Variants in GJD4 observed in about 807,000 individuals in gnomAD.
GJD4 encodes gap junction protein delta 4, also known as gap junction delta-4 protein.
GJD4 carries 18 observed loss-of-function variants against 17.9 expected under a neutral mutation model. The ratio of observed to expected loss-of-function variants is 1.00; its 90% confidence interval spans 0.69 to 1.49. GJD4 has a LOEUF of 1.49. Ranked by LOEUF, GJD4 falls within the 40% of genes most tolerant of loss-of-function variation. The pLI is 0.00. For missense variants in GJD4, 639 were observed against 506.9 expected (o/e 1.26, Z -2.50); for synonymous variants, 293 against 236.8 (o/e 1.24, Z -2.18).
In GJD4 at chr10:35,605,374, G is replaced by C. The variant is rs1280246543; in HGVS notation, c.-194G>C. On this transcript the variant is annotated 5_prime_UTR_variant, in exon 1 of 2. Transcript: ENST00000321660. The stretch of plus-strand genomic sequence containing the variant: ...CAGTTGTCAGGAATGTTTCGCCTCA[G>C]AGGCAAACGGCTTAGGGCCGTCTCA... The C allele has an allele frequency of 3.2e-6, 2 of 625,308 alleles. No homozygotes were observed. The highest frequency in any genetic ancestry group is 5.7e-6 in the Non-Finnish European group (2 of 350,638). 38.7% of individuals were successfully genotyped at this position (625,308 alleles called of 1,614,324 possible).
Position 35,608,642 on chromosome 10 carries a change from G to A in GJD4, c.*16G>A. ...GTGGGTGTGAAAAAAACAGCACCTG[G>A]CGGTGCCCCGGGGCTCACGCCTGTA... On this transcript the variant is annotated 3_prime_UTR_variant, in exon 2 of 2. Coordinates refer to ENST00000321660, the MANE Select transcript of GJD4 (RefSeq NM_153368.3). 6.9e-7 allele frequency: 1 copy of A among 1,459,142 alleles called. No individual in the cohort carries two copies. The highest frequency in any genetic ancestry group is 9.1e-7 in the Non-Finnish European group (1 of 1,104,870). 90.4% of individuals were successfully genotyped at this position (1,459,142 alleles called of 1,614,324 possible).
chr10:35,605,736 C>A, intron 1 of GJD4, 105 bp downstream of exon 1: 2 of 907,264 alleles, frequency 2.2e-6, no homozygotes, highest in South Asian at 2.9e-5. Context: ...TTTCAGTGTG[C>A]AAGCACCAAG....
chr10:35,607,365 C>T (rs1835468110), intron 1 of GJD4: 6 of 577,082 alleles, frequency 1.0e-5, no homozygotes, highest in South Asian at 2.1e-5. Flanking sequence ...GCGGCAGGAG[C>T]ACTTGAGGCC....
rs548344551 is a variant in GJD4 at position 35,608,568 on chromosome 10, C to T, written c.1055C>T (p.Pro352Leu). The T allele has an allele frequency of 1.9e-6, 3 of 1,553,944 alleles. No homozygotes were observed. The highest frequency in any genetic ancestry group is 2.0e-5 in the Admixed American group (1 of 49,452). ...PSCSSLQPPD[P>L]PASSSGAPHL... ...TGCAGCAGCCTGCAGCCCCCTGACC[C>T]GCCTGCCAGCTCCAGTGGTGCTCCC... Residue 352 changes from proline to leucine, a missense_variant, in exon 2 of 2, where the codon CCG becomes CTG. Transcript: ENST00000321660.
chr10:35,607,927 C>T lies in GJD4; in HGVS notation c.414C>T (p.Asp138=). 1 of 1,606,230 alleles carries T rather than the reference C, an allele frequency of 6.2e-7. No homozygotes were observed. Among genetic ancestry groups the T allele is most frequent in the Non-Finnish European group, 8.5e-7 (1 of 1,178,708 alleles). ...AGCGCGGCGGCCTCCAGGTGCCCGA[C>T]TTTTCGGCCGGCTACATCATCCACC... is the stretch of plus-strand genomic sequence containing the variant. The part of the protein sequence containing the change: ...FGERGGLQVP[D]FSAGYIIHLL... Residue 138 remains aspartate, a synonymous_variant, in exon 2 of 2, where the codon GAC becomes GAT. Coordinates refer to ENST00000321660, the MANE Select transcript of GJD4 (RefSeq NM_153368.3).
rs750112338 is a variant in GJD4, at chr10:35,605,608, T to C, written c.41T>C (p.Leu14Ser). 13 of 1,613,736 alleles carry C rather than the reference T, an allele frequency of 8.1e-6. No homozygotes were observed. In the East Asian group the frequency reaches 2.5e-4, roughly 30 times the overall value. ...TTGCTAGGGTTTCTCATCATCACAT[T>C]AAACTGCAACGTGACCATGGTGGGT... ...VDLLGFLIIT[L>S]NCNVTMVGKL... Residue 14 changes from leucine to serine, a missense_variant, in exon 1 of 2, where the codon TTA (leucine) becomes TCA (serine). Leu to Ser is a moderately radical substitution (Grantham distance 145). Transcript: ENST00000321660.
chr10:35,607,785 T>A lies in GJD4; in HGVS notation c.272T>A (p.Val91Asp). ...GTGTGCGTCCTCCTCCCCTCCGCCG[T>A]CTTCAGCGTCTATGTCCTGCACCGA... ...QGVCVLLPSAVFSVYVLHRGA... is the reference protein window; with the variant it reads ...QGVCVLLPSADFSVYVLHRGA... The change falls in exon 2 of 2, where the codon GTC (valine) becomes GAC (aspartate). Residue 91 changes from valine to aspartate, a missense_variant. Physicochemically the swap from Val to Asp is radical, Grantham distance 152 (BLOSUM62 -3). Coordinates refer to ENST00000321660, the MANE Select transcript of GJD4 (RefSeq NM_153368.3). The A allele has an allele frequency of 1.2e-6, 2 of 1,606,632 alleles. No homozygotes were observed. Among genetic ancestry groups the A allele is most frequent in the Non-Finnish European group, 1.7e-6 (2 of 1,179,936 alleles).
rs763316477 is a variant in GJD4, at chr10:35,607,914, T to A, written c.401T>A (p.Leu134His). ...CGGCCATTCGGGGAGCGCGGCGGCC[T>A]CCAGGTGCCCGACTTTTCGGCCGGC... ...CPRPFGERGGLQVPDFSAGYI... is the reference protein window; with the variant it reads ...CPRPFGERGGHQVPDFSAGYI... The change falls in exon 2 of 2, where the codon CTC becomes CAC. Residue 134 changes from leucine to histidine, a missense_variant. Coordinates refer to ENST00000321660, the MANE Select transcript of GJD4 (RefSeq NM_153368.3). 1 of 1,601,300 alleles carries A rather than the reference T, an allele frequency of 6.2e-7. No homozygotes were observed. The highest frequency in any genetic ancestry group is 8.5e-7 in the Non-Finnish European group (1 of 1,177,550).
rs1213494089 is a variant in GJD4 at position 35,605,368 on chromosome 10, G to A, written c.-200G>A. ...TCACTGCAGTTGTCAGGAATGTTTC[G>A]CCTCAGAGGCAAACGGCTTAGGGCC... On this transcript the variant is annotated 5_prime_UTR_variant, in exon 1 of 2. Coordinates refer to ENST00000321660, the MANE Select transcript of GJD4 (RefSeq NM_153368.3). 22 of 613,686 alleles carry A rather than the reference G, an allele frequency of 3.6e-5. No individual in the cohort carries two copies. The highest frequency in any genetic ancestry group is 2.9e-4 in the South Asian group (15 of 52,430). The allele number at this position is 613,686 out of a possible 1,614,324, so 38.0% of individuals were successfully genotyped here.
At position 35,608,324 on chromosome 10, in the gene GJD4, G is replaced by C. The variant is rs773395724; in HGVS notation, c.811G>C (p.Gly271Arg). The change falls in exon 2 of 2, where the codon GGA (glycine) becomes CGA (arginine). Residue 271 changes from glycine (G) to arginine (R), a missense_variant. Physicochemically the swap from Gly to Arg is moderately radical, Grantham distance 125 (BLOSUM62 -2). Coordinates refer to ENST00000321660, the MANE Select transcript of GJD4 (RefSeq NM_153368.3). The stretch of plus-strand genomic sequence containing the variant: ...ACCGGCGCCCCCGGGTGCACGCGCC[G>C]GAGGGGAGGGGGCTGGCAGCCCCAG... ...GAPAPPGARA[G>R]GEGAGSPRRT... 51 of 1,548,470 alleles carry C rather than the reference G, an allele frequency of 3.3e-5. No individual in the cohort carries two copies. The highest frequency in any genetic ancestry group is 4.4e-5 in the Non-Finnish European group (50 of 1,147,896).
chr10:35,608,263 G>C lies in GJD4; in HGVS notation c.750G>C (p.Arg250=). Residue 250 remains arginine (R), a synonymous_variant, in exon 2 of 2, where the codon CGG becomes CGC. Transcript: ENST00000321660. ...SGASGHAEGR[R]TDEEGGREEE... ...CCTCAGGCCACGCGGAGGGACGCCGGACTGACGAGGAGGGTGGGCGGGAGG... is the reference window on the plus strand; with the variant it reads ...CCTCAGGCCACGCGGAGGGACGCCGCACTGACGAGGAGGGTGGGCGGGAGG... 3 of 1,569,774 alleles carry C rather than the reference G, an allele frequency of 1.9e-6. No homozygotes were observed. The highest frequency in any genetic ancestry group is 2.6e-6 in the Non-Finnish European group (3 of 1,162,974).
At position 35,608,683 on chromosome 10, in the gene GJD4, G is replaced by GATT; in HGVS notation, c.*58_*59insTTA. 2.3e-6 allele frequency: 3 copies of GATT among 1,291,320 alleles called. No individual in the cohort carries two copies. Among genetic ancestry groups the GATT allele is most frequent in the Non-Finnish European group, 2.1e-6 (2 of 959,302 alleles). 80.0% of individuals were successfully genotyped at this position (1,291,320 alleles called of 1,614,324 possible). ...CACGCCTGTAATCCCAACACTTTGGGAGGCCCAGGCAGGAGGATCGTTTGA... is the reference window on the plus strand; with the variant it reads ...CACGCCTGTAATCCCAACACTTTGGGATTAGGCCCAGGCAGGAGGATCGTTTGA... On this transcript the variant is annotated 3_prime_UTR_variant, in exon 2 of 2. Coordinates refer to ENST00000321660, the MANE Select transcript of GJD4 (RefSeq NM_153368.3).
Position 35,605,530 on chromosome 10 carries a change from T to G in GJD4, c.-38T>G. 6.5e-7 allele frequency: 1 copy of G among 1,549,564 alleles called. No homozygotes were observed. The highest frequency in any genetic ancestry group is 8.9e-7 in the Non-Finnish European group (1 of 1,121,148). ...CTCCTTGGAGAACACAGCCCTCCAG[T>G]GTCTCCTGCAGCCTGGAGCCTGGGA... is the stretch of plus-strand genomic sequence containing the variant. On this transcript the variant is annotated 5_prime_UTR_variant, in exon 1 of 2. Transcript: ENST00000321660.
Position 35,608,921 on chromosome 10 carries a change from C to A in GJD4, c.*295C>A. 6 of 213,912 alleles carry A rather than the reference C, an allele frequency of 2.8e-5. No homozygotes were observed. The highest frequency in any genetic ancestry group is 4.1e-5 in the Non-Finnish European group (5 of 122,694). The allele number at this position is 213,912 out of a possible 1,614,324, so 13.3% of individuals were successfully genotyped here. ...GCACTGCGCTGCAGCCTGGGCAACACAGTGAGACCCTGTCAAAAAAAAAAA... is the reference window on the plus strand; with the variant it reads ...GCACTGCGCTGCAGCCTGGGCAACAAAGTGAGACCCTGTCAAAAAAAAAAA... On this transcript the variant is annotated 3_prime_UTR_variant, in exon 2 of 2. Transcript: ENST00000321660.
Position 35,605,392 on chromosome 10 carries a change from C to A in GJD4, c.-176C>A, listed in dbSNP as rs1294695263. The A allele has an allele frequency of 7.7e-6, 5 of 651,526 alleles. No homozygotes were observed. The highest frequency in any genetic ancestry group is 1.4e-5 in the Non-Finnish European group (5 of 364,070). 40.4% of individuals were successfully genotyped at this position (651,526 alleles called of 1,614,324 possible). A position where few individuals can be genotyped will look rare whatever the true frequency, so the allele number is the denominator to read the frequency against. On this transcript the variant is annotated 5_prime_UTR_variant, in exon 1 of 2. Coordinates refer to ENST00000321660, the MANE Select transcript of GJD4 (RefSeq NM_153368.3). The stretch of plus-strand genomic sequence containing the variant: ...CGCCTCAGAGGCAAACGGCTTAGGG[C>A]CGTCTCAACTTGGAGACAGAAAAAC...
At chr10:35,605,931 A>G (rs1564470403) in intron 1 of GJD4, 5 of 399,602 alleles carry the variant, frequency 1.3e-5, no homozygotes, top group Non-Finnish European at 1.8e-5. Context: ...AGACCAAAGC[A>G]GGTGGAGGGG....
Position 35,608,682 on chromosome 10 carries a change from G to A in GJD4, c.*56G>A, listed in dbSNP as rs909029599. 12 of 1,289,070 alleles carry A rather than the reference G, an allele frequency of 9.3e-6. No individual in the cohort carries two copies. Among genetic ancestry groups the A allele is most frequent in the Non-Finnish European group, 1.3e-5 (12 of 957,568 alleles). The allele number at this position is 1,289,070 out of a possible 1,614,324, so 79.9% of individuals were successfully genotyped here. On this transcript the variant is annotated 3_prime_UTR_variant, in exon 2 of 2. Coordinates refer to ENST00000321660, the MANE Select transcript of GJD4 (RefSeq NM_153368.3). ...TCACGCCTGTAATCCCAACACTTTG[G>A]GAGGCCCAGGCAGGAGGATCGTTTG...
chr10:35,608,291 G>A lies in GJD4; in HGVS notation c.778G>A (p.Glu260Lys). 6.4e-7 allele frequency: 1 copy of A among 1,555,098 alleles called. No homozygotes were observed. The highest frequency in any genetic ancestry group is 8.7e-7 in the Non-Finnish European group (1 of 1,153,434). ...TGACGAGGAGGGTGGGCGGGAGGAAGAGGGGGCACCGGCGCCCCCGGGTGC... is the reference window on the plus strand; with the variant it reads ...TGACGAGGAGGGTGGGCGGGAGGAAAAGGGGGCACCGGCGCCCCCGGGTGC... ...RTDEEGGREEEGAPAPPGARA... is the reference protein window; with the variant it reads ...RTDEEGGREEKGAPAPPGARA... The change falls in exon 2 of 2, where the codon GAG (glutamate) becomes AAG (lysine). Residue 260 changes from glutamate to lysine, a missense_variant. Transcript: ENST00000321660.
chr10:35,607,496 CA>C, intron 1 of GJD4, 81 bp from the exon 2 acceptor site: 1 of 875,956 alleles, frequency 1.1e-6, no homozygotes, highest in Non-Finnish European at 1.8e-6. Context: ...TTCCCAATCT[CA>C]GCCCCAATAG....
Sources: allele counts gnomAD v4.1 joint callset, GRCh38; gene constraint gnomAD v4.1.1; transcripts MANE v1.5; gene names NCBI Gene and HGNC (gene_info 2026-07-23, HGNC 2026-07-21).